The following TREML4 variants were observed in gnomAD, a reference collection of about 807,000 sequenced individuals.
TREML4 encodes the protein trem-like transcript 4 protein.
In TREML4, 25 loss-of-function variants were observed where a neutral mutation model predicts 25.4. The observed-to-expected ratio is 0.98, with a 90% CI of 0.72 to 1.37. The LOEUF (loss-of-function observed/expected upper bound fraction) is 1.37, where lower values mean the gene tolerates loss of function less well. Ranked by LOEUF, TREML4 falls within the 40% of genes most tolerant of loss-of-function variation. The probability of loss-of-function intolerance (pLI) is 0.00; values close to 1 mark genes in which losing one functional copy is unlikely to be tolerated. For missense variants in TREML4, 268 were observed against 236.5 expected, an observed-to-expected ratio of 1.13 and a Z score of -0.87; for synonymous variants, 92 against 87.9, an observed-to-expected ratio of 1.05 and a Z score of -0.26.
In TREML4 at chr6:41,228,444, T is replaced by A; in HGVS notation, c.17T>A (p.Val6Asp). MAWGG[V>D]HTCCFHLCCC... Reference sequence around the variant, plus strand: ...TGGGCTGGAATGGCCTGGGGTGGGGTCCACACCTGCTGCTTCCACCTGTGC... The same window carrying A: ...TGGGCTGGAATGGCCTGGGGTGGGGACCACACCTGCTGCTTCCACCTGTGC... Residue 6 changes from valine (V) to aspartate (D), a missense_variant, in exon 1 of 6, where the codon GTC becomes GAC. By Grantham distance (152) the Val-to-Asp change is radical. Transcript: ENST00000341495. 1 of 1,612,288 alleles carries A rather than the reference T, an allele frequency of 6.2e-7. No homozygotes were observed. The highest frequency in any genetic ancestry group is 8.5e-7 in the Non-Finnish European group (1 of 1,179,304).
intron 4 of TREML4, among the ~76,000 whole-genome samples, chr6:41,232,818 C>T (rs547165541): frequency 5.9e-5 from 9 of 152,114 alleles, no homozygotes; most frequent in African/African-American, 2.2e-4. Context: ...TAACAGGAAG[C>T]GAAGCTCAGG....
chr6:41,229,993 T>C, intron 3 of TREML4, 69 bp from the exon 4 acceptor site: 1 of 1,362,508 alleles, frequency 7.3e-7, no homozygotes, highest in Non-Finnish European at 1.1e-6. Flanking sequence ...CTCTCACACT[T>C]TTGGGACCCA....
chr6:41,236,839 T>C (rs1766914750), intron 5 of TREML4, among the ~76,000 whole-genome samples: 1 of 151,944 alleles, frequency 6.6e-6, no homozygotes, highest in Admixed American at 6.6e-5. Flanking sequence ...TCTGCCTCTG[T>C]CTCTGTCCTG....
In TREML4 at chr6:41,228,867, T is replaced by C. The variant is rs9369265; in HGVS notation, c.217T>C (p.Trp73Arg). ...CTTACTTGTCACCAGCTCCAAGCCC[T>C]GGACAGCAGTTCAGAAGTCTCATTA... ...CTLLVTSSKP[W>R]TAVQKSHYTI... is the part of the protein sequence containing the mutation. The change falls in exon 2 of 6, where the codon TGG (tryptophan) becomes CGG (arginine). Residue 73 changes from tryptophan to arginine, a missense_variant. Physicochemically the swap from Trp to Arg is moderately radical, Grantham distance 101. Coordinates refer to ENST00000341495, the MANE Select transcript of TREML4 (RefSeq NM_198153.3). 0.78 allele frequency: 1,254,927 copies of C among 1,613,854 alleles called. 492,428 individuals are homozygous for C. Among genetic ancestry groups the C allele is most frequent in the East Asian group, 0.87 (38,973 of 44,866 alleles).
intron 4 of TREML4, among the ~76,000 whole-genome samples, chr6:41,230,515 C>A (rs528795023): frequency 6.6e-6 from 1 of 152,274 alleles, no homozygotes; most frequent in Non-Finnish European, 1.5e-5. Flanking sequence ...TTAAATTCTG[C>A]TTCTATTCTT....
At position 41,229,391 on chromosome 6, in the gene TREML4, C is replaced by T. The variant is rs547789806; in HGVS notation, c.395-130C>T. ...ACAACTCTGTCATGCAGATCTTAGG[C>T]ACAGACCACTCCTGGCTTAAGACAT... On this transcript the variant is annotated intron_variant, in intron 2 of 5. Transcript: ENST00000341495. 3.0e-4 allele frequency: 286 copies of T among 960,988 alleles called. 6 individuals carry two copies. In the South Asian group the frequency reaches 3.1e-3, roughly 10 times the overall value. 59.5% of individuals were successfully genotyped at this position (960,988 alleles called of 1,614,324 possible).
chr6:41,230,014 C>T (rs750501509), intron 3 of TREML4, 48 bp from the exon 4 acceptor site: 1 of 1,511,792 alleles, frequency 6.6e-7, no homozygotes, highest in South Asian at 1.1e-5. Flanking sequence ...ATCCCATTCT[C>T]TATTCTGGTG....
intron 5 of TREML4, 42 bp downstream of exon 5, chr6:41,236,659 G>A: frequency 8.7e-7 from 1 of 1,152,720 alleles, no homozygotes; most frequent in Non-Finnish European, 1.3e-6. Context: ...TGGAGCTGGG[G>A]CCAGATTCTG....
rs186114868 is a variant in TREML4, at chr6:41,237,790, C to G, written c.*771C>G. 6.6e-6 allele frequency: 1 copy of G among 152,110 alleles called. No individual in the cohort carries two copies. Among genetic ancestry groups the G allele is most frequent in the Non-Finnish European group, 1.5e-5 (1 of 68,040 alleles). The allele number at this position is 152,110 out of a possible 1,614,324, so 9.4% of individuals were successfully genotyped here. A position where few individuals can be genotyped will look rare whatever the true frequency, so the allele number is the denominator to read the frequency against. ...CAAAACAGGACCCAGAACATTCATC[C>G]GTAAATGGAATCTGATAATCTGGGG... On this transcript the variant is annotated 3_prime_UTR_variant, in exon 6 of 6. Transcript: ENST00000341495.
chr6:41,228,445 C>A lies in TREML4; in HGVS notation c.18C>A (p.Val6=). ...GGGCTGGAATGGCCTGGGGTGGGGT[C>A]CACACCTGCTGCTTCCACCTGTGCT... is the stretch of plus-strand genomic sequence containing the variant. MAWGG[V]HTCCFHLCCC... The change falls in exon 1 of 6, where the codon GTC becomes GTA. Residue 6 remains valine, a synonymous_variant. Transcript: ENST00000341495. 6.2e-7 allele frequency: 1 copy of A among 1,612,474 alleles called. No homozygotes were observed. Among genetic ancestry groups the A allele is most frequent in the Non-Finnish European group, 8.5e-7 (1 of 1,179,346 alleles).
chr6:41,230,071 C>G lies in TREML4; in HGVS notation c.455C>G (p.Thr152Ser). The change falls in exon 4 of 6, where the codon ACT becomes AGT. Residue 152 changes from threonine (T) to serine (S), a missense_variant. Coordinates refer to ENST00000341495, the MANE Select transcript of TREML4 (RefSeq NM_198153.3). Reference protein sequence around the residue: ...PWLPTSTVLITSPEGTSGHPS... With the variant: ...PWLPTSTVLISSPEGTSGHPS... ...TTTGTGTCCTCTTTAGTTCTGATCA[C>G]TTCTCCAGAGGGGACCTCTGGCCAT... 1 of 1,611,388 alleles carries G rather than the reference C, an allele frequency of 6.2e-7. No individual in the cohort carries two copies. Among genetic ancestry groups the G allele is most frequent in the East Asian group, 2.2e-5 (1 of 44,844 alleles).
chr6:41,235,950 G>A (rs1356521693), intron 4 of TREML4, among the ~76,000 whole-genome samples: 1 of 152,020 alleles, frequency 6.6e-6, no homozygotes, highest in Non-Finnish European at 1.5e-5. Flanking sequence ...GCTGGGACAG[G>A]GTAGTCCTAG....
In TREML4 at chr6:41,238,184, A is replaced by G. The variant is rs1766937739; in HGVS notation, c.*1165A>G. On this transcript the variant is annotated 3_prime_UTR_variant, in exon 6 of 6. Transcript: ENST00000341495. ...AGCTCCTGCCACATGATCATCACCT[A>G]TCTGTGAGAGGCATCGCTTTTGCTT... is the stretch of plus-strand genomic sequence containing the variant. 1 of 152,176 alleles carries G rather than the reference A, an allele frequency of 6.6e-6. No individual in the cohort carries two copies. Among genetic ancestry groups the G allele is most frequent in the South Asian group, 2.1e-4 (1 of 4,822 alleles). The allele number at this position is 152,176 out of a possible 1,614,324, so 9.4% of individuals were successfully genotyped here.
chr6:41,236,702 G>A, intron 5 of TREML4, 85 bp downstream of exon 5: 1 of 717,484 alleles, frequency 1.4e-6, no homozygotes, highest in East Asian at 2.7e-5. Flanking sequence ...GAAGCAGCCA[G>A]GTCACAGAGG....
Position 41,238,349 on chromosome 6 carries a change from A to G in TREML4, c.*1330A>G, listed in dbSNP as rs945914657. On this transcript the variant is annotated 3_prime_UTR_variant, in exon 6 of 6. Transcript: ENST00000341495. ...ATCCAGTATTTTTTTTTCTGTGACT[A>G]TGTTTTCACTTACATAAAAGAAATT... is the stretch of plus-strand genomic sequence containing the variant. 2 of 151,982 alleles carry G rather than the reference A, an allele frequency of 1.3e-5. No individual in the cohort carries two copies. The highest frequency in any genetic ancestry group is 1.5e-5 in the Non-Finnish European group (1 of 68,004). The allele number at this position is 151,982 out of a possible 1,614,324, so 9.4% of individuals were successfully genotyped here. A position where few individuals can be genotyped will look rare whatever the true frequency, so the allele number is the denominator to read the frequency against.
In TREML4 at chr6:41,238,499, A is replaced by ATG. The variant is rs1246167413; in HGVS notation, c.*1483_*1484dup. Reference sequence around the variant, plus strand: ...GTGCATCATTCCGAACCCAGGGTGCATGTGCTTTTTTGCCTTCACTTTTCT... The same window carrying ATG: ...GTGCATCATTCCGAACCCAGGGTGCATGTGTGCTTTTTTGCCTTCACTTTTCT... On this transcript the variant is annotated 3_prime_UTR_variant, in exon 6 of 6. Coordinates refer to ENST00000341495, the MANE Select transcript of TREML4 (RefSeq NM_198153.3). The ATG allele has an allele frequency of 1.3e-5, 2 of 152,176 alleles. No homozygotes were observed. The allele number at this position is 152,176 out of a possible 1,614,324, so 9.4% of individuals were successfully genotyped here.
intron 1 of TREML4, 61 bp downstream of exon 1, chr6:41,228,551 G>A: frequency 1.3e-6 from 2 of 1,567,456 alleles, no homozygotes; most frequent in East Asian, 2.3e-5. Flanking sequence ...GAGTGGGGCA[G>A]GGAGCAGCAT....
rs778327278 is a variant in TREML4 at position 41,236,500 on chromosome 6, C to T, written c.521C>T (p.Pro174Leu). ...NGSETRKSRA[P>L]ACLGSGGPRF... Reference sequence around the variant, plus strand: ...CTTCCCTGCAGGAAATCAAGAGCCCCTGCCTGCCTTGGCTCAGGTGGCCCC... The same window carrying T: ...CTTCCCTGCAGGAAATCAAGAGCCCTTGCCTGCCTTGGCTCAGGTGGCCCC... Residue 174 changes from proline (P) to leucine (L), a missense_variant, in exon 5 of 6, where the codon CCT (proline) becomes CTT (leucine). Physicochemically the swap from Pro to Leu is moderately conservative, Grantham distance 98. Coordinates refer to ENST00000341495, the MANE Select transcript of TREML4 (RefSeq NM_198153.3). 2 of 1,614,126 alleles carry T rather than the reference C, an allele frequency of 1.2e-6. No homozygotes were observed. Among genetic ancestry groups the T allele is most frequent in the South Asian group, 2.2e-5 (2 of 91,076 alleles).
rs1766735058 is a variant in TREML4, at chr6:41,229,006, T to C, written c.356T>C (p.Ile119Thr). ...CGIYNASENI[I>T]TVLRNISLVV... ...ATCTACAACGCTTCCGAAAACATCA[T>C]CACTGTTCTTAGAAATATCAGCCTG... The change falls in exon 2 of 6, where the codon ATC becomes ACC. Residue 119 changes from isoleucine to threonine, a missense_variant. Physicochemically the swap from Ile to Thr is moderately conservative, Grantham distance 89 (BLOSUM62 -1). Coordinates refer to ENST00000341495, the MANE Select transcript of TREML4 (RefSeq NM_198153.3). 6.2e-7 allele frequency: 1 copy of C among 1,614,128 alleles called. No homozygotes were observed. Among genetic ancestry groups the C allele is most frequent in the Non-Finnish European group, 8.5e-7 (1 of 1,179,984 alleles).
Sources: gnomAD v4.1 joint callset for allele counts (sites outside exome capture counted in the v4.1 genomes callset) on GRCh38, gnomAD v4.1.1 for gene constraint, MANE v1.5 for transcripts, NCBI Gene and HGNC (gene_info 2026-07-23, HGNC 2026-07-21) for gene names.